The following UNC45A variants were observed in gnomAD, a reference collection of about 807,000 sequenced individuals.
UNC45A encodes the protein protein unc-45 homolog A.
UNC45A carries 78 observed loss-of-function variants against 103.2 expected under a neutral mutation model. The ratio of observed to expected loss-of-function variants is 0.76; its 90% confidence interval spans 0.63 to 0.91. The LOEUF (loss-of-function observed/expected upper bound fraction) is 0.91. Ranked by LOEUF, UNC45A falls within the 40% of genes least tolerant of loss-of-function variation. UNC45A has a pLI of 0.00. For synonymous variants in UNC45A, 495 were observed against 504.6 expected, an observed-to-expected ratio of 0.98 and a Z score of 0.25; for missense variants, 1,193 against 1,224.8, an observed-to-expected ratio of 0.97 and a Z score of 0.39.
rs2036695160 is a variant in UNC45A at position 90,948,426 on chromosome 15, G to A, written c.1737+143G>A. On this transcript the variant is annotated intron_variant, in intron 12 of 19. Transcript: ENST00000418476. ...GCTGAGTGGCTGCTCTGTGTAGTGT[G>A]GGCATGTTGGCCAGCACCAGTGGTG... 7 of 1,347,752 alleles carry A rather than the reference G, an allele frequency of 5.2e-6. No homozygotes were observed. The South Asian group carries it at 7.0e-5, about 14-fold the overall frequency. The allele number at this position is 1,347,752 out of a possible 1,614,324, so 83.5% of individuals were successfully genotyped here.
Position 90,935,698 on chromosome 15 carries a change from TC to T in UNC45A, c.207del (p.Lys70SerfsTer33). 1 of 1,559,196 alleles carries T rather than the reference TC, an allele frequency of 6.4e-7. No individual in the cohort carries two copies. Among genetic ancestry groups the T allele is most frequent in the Non-Finnish European group, 8.7e-7 (1 of 1,153,946 alleles). ...VLHRNRAACH[L>X]KLEDYDKAET... The stretch of plus-strand genomic sequence containing the variant: ...CACCGGAACCGGGCCGCCTGCCACC[TC>T]AAGCTGGTGAGGGAGCCTGGCGCTC... On this transcript the variant is annotated frameshift_variant, in exon 2 of 20. Coordinates refer to ENST00000418476, the MANE Select transcript of UNC45A (RefSeq NM_018671.5). LOFTEE classifies it high-confidence loss of function.
At chr15:90,950,126 C>A (rs202246072) in intron 15 of UNC45A, 28 bp from the exon 16 acceptor site, 1 of 1,548,420 alleles carries the variant, frequency 6.5e-7, no homozygotes, top group South Asian at 1.2e-5. Context: ...CAGGGATGTC[C>A]TGAGCAGTGA....
At chr15:90,951,030 C>T (rs909737719) in intron 17 of UNC45A, among the ~76,000 whole-genome samples, 7 of 151,970 alleles carry the variant, frequency 4.6e-5, no homozygotes, top group Admixed American at 6.6e-5. Context: ...TTCTTTGAGA[C>T]GGAGTCTTGC....
In UNC45A at chr15:90,951,557, G is replaced by A. The variant is rs529442223; in HGVS notation, c.2303+942G>A. 9.2e-5 allele frequency among the ~76,000 whole-genome samples: 14 copies of A among 152,280 alleles called. 1 individual carries two copies. The highest frequency in any genetic ancestry group is 3.1e-4 in the African/African-American group (13 of 41,564). ...GCAGGAGGATCACTGGAGCCCAGAA[G>A]TTCAGGCCAGCCTGAGCAGTGTAGC... On this transcript the variant is annotated intron_variant, in intron 17 of 19. Coordinates refer to ENST00000418476, the MANE Select transcript of UNC45A (RefSeq NM_018671.5).
At chr15:90,935,273 T>G (rs2035941496), upstream of UNC45A, 5 of 1,549,182 alleles carry the variant, frequency 3.2e-6, no homozygotes, top group African/African-American at 1.4e-5. Context: ...GAACCCAGAC[T>G]CGCCCCGCCC....
intron 4 of UNC45A, among the ~76,000 whole-genome samples, chr15:90,937,863 C>T (rs575517996): frequency 3.3e-5 from 5 of 152,140 alleles, no homozygotes; most frequent in African/African-American, 1.2e-4. Flanking sequence ...CTCTGTCACC[C>T]ATGCTGGAGT....
At position 90,946,761 on chromosome 15, in the gene UNC45A, G is replaced by A. The variant is rs151134605; in HGVS notation, c.1347G>A (p.Glu449=). ...GTGTGATTGCTCTGTGTGCCTCTGAGCAGGAGGAGGAGCAGCTGGTGGCCG... is the reference window on the plus strand; with the variant it reads ...GTGTGATTGCTCTGTGTGCCTCTGAACAGGAGGAGGAGCAGCTGGTGGCCG... The part of the protein sequence containing the change: ...MESVIALCAS[E]QEEEQLVAVE... The change falls in exon 10 of 20, where the codon GAG becomes GAA. Residue 449 remains glutamate, a synonymous_variant. Transcript: ENST00000418476. 82 of 1,614,046 alleles carry A rather than the reference G, an allele frequency of 5.1e-5. 4 individuals are homozygous for A. The South Asian group carries it at 5.5e-4, about 11-fold the overall frequency.
At chr15:90,941,064 C>T (rs1001142882) in intron 6 of UNC45A, 15 of 152,124 alleles carry the variant, frequency 9.9e-5, no homozygotes, top group African/African-American at 3.1e-4. Context: ...TGGGGTACCC[C>T]AAGCACTTGC....
intron 8 of UNC45A, among the ~76,000 whole-genome samples, chr15:90,943,304 C>T (rs764039857): frequency 5.9e-5 from 9 of 151,584 alleles, no homozygotes; most frequent in Non-Finnish European, 1.0e-4. Flanking sequence ...TGGTGTGCAT[C>T]GGCAGTCCTA....
intron 14 of UNC45A, 85 bp downstream of exon 14, chr15:90,949,528 G>C: frequency 6.2e-7 from 1 of 1,601,090 alleles, no homozygotes; most frequent in Admixed American, 1.7e-5. Context: ...GCAGGTTCCA[G>C]TGCTGTGGGC....
intron 4 of UNC45A, among the ~76,000 whole-genome samples, chr15:90,939,099 C>G (rs1251728322): frequency 6.6e-6 from 1 of 152,058 alleles, no homozygotes; most frequent in Non-Finnish European, 1.5e-5. Context: ...CCTGCCTCAG[C>G]CTCCCGAGTA....
At chr15:90,934,169 C>T (rs1436897082), upstream of UNC45A, 1 of 399,264 alleles carries the variant, frequency 2.5e-6, no homozygotes, top group East Asian at 3.6e-5. Context: ...CTGTGGCCCA[C>T]CTGCCTCTGG....
chr15:90,947,997 C>A, intron 11 of UNC45A, 107 bp downstream of exon 11: 3 of 1,483,386 alleles, frequency 2.0e-6, no homozygotes, highest in South Asian at 1.2e-5. Context: ...CTGGCTCAGG[C>A]AGGGGCTGCA....
rs553219448 is a variant in UNC45A at position 90,954,052 on chromosome 15, G to C, written c.*336G>C. Reference sequence around the variant, plus strand: ...CAGCAGCCTCACCAGCTGTGAGCCTGCTATCAGGCCTGCCCCTCCAATAAA... The same window carrying C: ...CAGCAGCCTCACCAGCTGTGAGCCTCCTATCAGGCCTGCCCCTCCAATAAA... On this transcript the variant is annotated 3_prime_UTR_variant, in exon 20 of 20. Transcript: ENST00000418476. The C allele has an allele frequency of 2.5e-5, 9 of 355,270 alleles. No individual in the cohort carries two copies. In the Admixed American group the frequency reaches 3.2e-4, roughly 13 times the overall value. 22.0% of individuals were successfully genotyped at this position (355,270 alleles called of 1,614,324 possible).
chr15:90,942,327 TTC>T, intron 6 of UNC45A, 108 bp from the exon 7 acceptor site: 1 of 1,328,228 alleles, frequency 7.5e-7, no homozygotes, highest in South Asian at 1.4e-5. Flanking sequence ...GAGCTGGGCC[TTC>T]CACCCAATTC....
rs1226982200 is a variant in UNC45A at position 90,944,955 on chromosome 15, C to T, written c.1091C>T (p.Thr364Ile). ...GACCCTCCTGGGGAGCTCGCAGTGA[C>T]CGCAAACAGCCGCATGAGCGCCTCT... ...LQDPPGELAV[T>I]ANSRMSASIL... Residue 364 changes from threonine (T) to isoleucine (I), a missense_variant, in exon 9 of 20, where the codon ACC becomes ATC. Transcript: ENST00000418476. 2 of 1,612,676 alleles carry T rather than the reference C, an allele frequency of 1.2e-6. No individual in the cohort carries two copies. The highest frequency in any genetic ancestry group is 1.7e-6 in the Non-Finnish European group (2 of 1,180,034).
chr15:90,941,264 A>T, intron 6 of UNC45A, among the ~76,000 whole-genome samples: 1 of 152,094 alleles, frequency 6.6e-6, no homozygotes, highest in Non-Finnish European at 1.5e-5. Flanking sequence ...CATGATTCTC[A>T]GCATGGATGG....
chr15:90,952,034 C>T (rs12442304), intron 17 of UNC45A, among the ~76,000 whole-genome samples: 25,917 of 152,146 alleles, frequency 0.17, 3,680 homozygotes, highest in East Asian at 0.4. Flanking sequence ...TATGCTATTT[C>T]CTAGGCCTGG....
upstream of UNC45A, chr15:90,935,082 C>T: frequency 1.7e-6 from 1 of 580,532 alleles, no homozygotes; most frequent in South Asian, 2.0e-5. Context: ...CTGGGTCCTC[C>T]GCCGCGAGCT....
Sources: gnomAD v4.1 joint callset for allele counts (sites outside exome capture counted in the v4.1 genomes callset) on GRCh38, gnomAD v4.1.1 for gene constraint, MANE v1.5 for transcripts, NCBI Gene and HGNC (gene_info 2026-07-23, HGNC 2026-07-21) for gene names.